CNTNAP2: variants seen among roughly 807,000 people sequenced by gnomAD.
The protein encoded by CNTNAP2 is contactin associated protein 2.
CNTNAP2 carries 98 observed loss-of-function variants against 155.2 expected under a neutral mutation model. That is an observed-to-expected ratio of 0.63 (90% CI 0.54 to 0.75). The LOEUF (loss-of-function observed/expected upper bound fraction) is 0.75, where lower values mean the gene tolerates loss of function less well. Ranked by LOEUF, CNTNAP2 falls within the 30% of genes least tolerant of loss-of-function variation. CNTNAP2 has a pLI of 0.00. For missense variants in CNTNAP2, 1,727 were observed against 1,688.1 expected (o/e 1.02, Z -0.40); for synonymous variants, 651 against 631.2 (o/e 1.03, Z -0.47).
intron 5 of CNTNAP2, among the ~76,000 whole-genome samples, chr7:147,119,781 AAAGG>A (rs575072173): frequency 2.4e-3 from 360 of 152,046 alleles, no homozygotes; most frequent in African/African-American, 6.4e-3. Context: ...AGAAAGAAGG[AAAGG>A]AAGGAAGGAA....
At chr7:147,856,654 A>G (rs1045129402) in intron 13 of CNTNAP2, among the ~76,000 whole-genome samples, 3 of 151,778 alleles carry the variant, frequency 2.0e-5, no homozygotes, top group Non-Finnish European at 4.4e-5. Flanking sequence ...TGCTCTAGAA[A>G]CATTTTGTTC....
chr7:146,133,900 C>T lies in CNTNAP2; in HGVS notation c.97+16927C>T, dbSNP rs1303791004. On this transcript the variant is annotated intron_variant, in intron 1 of 23. Coordinates refer to ENST00000361727, the MANE Select transcript of CNTNAP2 (RefSeq NM_014141.6). ...TAGGATTGACTTGGCGATGCGGGCT[C>T]TTTTTTGGTTCCATATGAACTTTAA... 2.0e-5 allele frequency among the ~76,000 whole-genome samples: 3 copies of T among 151,916 alleles called. No individual in the cohort carries two copies. In the East Asian group the frequency reaches 5.8e-4, roughly 30 times the overall value.
At chr7:146,465,015 C>A (rs888526882) in intron 1 of CNTNAP2, among the ~76,000 whole-genome samples, 1 of 151,976 alleles carries the variant, frequency 6.6e-6, no homozygotes, top group Non-Finnish European at 1.5e-5. Flanking sequence ...CTTTAATTGG[C>A]CTGCTTTTGT....
intron 1 of CNTNAP2, among the ~76,000 whole-genome samples, chr7:146,211,250 T>C (rs1799030156): frequency 6.6e-6 from 1 of 152,134 alleles, no homozygotes; most frequent in South Asian, 2.1e-4. Flanking sequence ...TTCAGACATC[T>C]GAAAAAAATA....
chr7:147,655,651 A>G (rs2116946243), intron 13 of CNTNAP2, among the ~76,000 whole-genome samples: 1 of 152,324 alleles, frequency 6.6e-6, no homozygotes, highest in African/African-American at 2.4e-5. Flanking sequence ...TAAACCTGTT[A>G]AAGTTGTAAA....
chr7:146,931,781 A>C (rs1796763863), intron 3 of CNTNAP2, among the ~76,000 whole-genome samples: 1 of 150,874 alleles, frequency 6.6e-6, no homozygotes, highest in Non-Finnish European at 1.5e-5. Context: ...CAGAAATACA[A>C]ACTACCATCA....
chr7:147,213,653 A>C (rs769755904), intron 8 of CNTNAP2, among the ~76,000 whole-genome samples: 5 of 152,184 alleles, frequency 3.3e-5, no homozygotes, highest in Non-Finnish European at 7.3e-5. Flanking sequence ...AGATATTTTA[A>C]AGAGATTTAT....
chr7:146,203,330 C>T (rs146709507), intron 1 of CNTNAP2, among the ~76,000 whole-genome samples: 1 of 152,218 alleles, frequency 6.6e-6, no homozygotes, highest in African/African-American at 2.4e-5. Context: ...AGCTACAAAT[C>T]ATTCCTACAA....
At chr7:147,723,303 G>A (rs1187509821) in intron 13 of CNTNAP2, among the ~76,000 whole-genome samples, 3 of 152,086 alleles carry the variant, frequency 2.0e-5, no homozygotes, top group Non-Finnish European at 4.4e-5. Context: ...AAAATGGCAT[G>A]TGTAGTAGGA....
intron 1 of CNTNAP2, among the ~76,000 whole-genome samples, chr7:146,371,892 G>A (rs1024881640): frequency 6.6e-6 from 1 of 151,358 alleles, no homozygotes; most frequent in Non-Finnish European, 1.5e-5. Flanking sequence ...CTGGGATGGG[G>A]AGGTTGCAGT....
At chr7:147,429,292 G>A (rs1349731868) in intron 10 of CNTNAP2, among the ~76,000 whole-genome samples, 1 of 151,754 alleles carries the variant, frequency 6.6e-6, no homozygotes, top group African/African-American at 2.4e-5. Context: ...GGAGTAAGGT[G>A]GTATATTATT....
intron 13 of CNTNAP2, among the ~76,000 whole-genome samples, chr7:147,869,230 A>T (rs1274899260): frequency 6.6e-6 from 1 of 152,264 alleles, no homozygotes; most frequent in Non-Finnish European, 1.5e-5. Context: ...TGTGTATATG[A>T]CACAGTGCAT....
At chr7:148,410,270 T>TA (rs11427367) in intron 23 of CNTNAP2, among the ~76,000 whole-genome samples, 43,202 of 150,982 alleles carry the variant, frequency 0.29, 7,001 homozygotes, top group African/African-American at 0.43. Context: ...TAGCGTACTA[T>TA]AAAAAAATGA....
At chr7:147,136,568 AG>A (rs1159861484) in intron 8 of CNTNAP2, among the ~76,000 whole-genome samples, 1 of 151,896 alleles carries the variant, frequency 6.6e-6, no homozygotes, top group Non-Finnish European at 1.5e-5. Context: ...TGTGGCTGGG[AG>A]CATGCTGGGA....
chr7:147,833,903 T>C (rs889575977), intron 13 of CNTNAP2, among the ~76,000 whole-genome samples: 1 of 152,030 alleles, frequency 6.6e-6, no homozygotes, highest in African/African-American at 2.4e-5. Flanking sequence ...GTACCCCAGC[T>C]GGGGAGCGAG....
chr7:147,261,464 A>G (rs1434557551), intron 8 of CNTNAP2, among the ~76,000 whole-genome samples: 1 of 151,998 alleles, frequency 6.6e-6, no homozygotes, highest in East Asian at 1.9e-4. Flanking sequence ...ATACAATTCT[A>G]TGTTGTTCAG....
intron 1 of CNTNAP2, among the ~76,000 whole-genome samples, chr7:146,534,787 C>A (rs1464818168): frequency 6.6e-6 from 1 of 151,604 alleles, no homozygotes; most frequent in Non-Finnish European, 1.5e-5. Context: ...CTGTCTATTG[C>A]ATGCTTTACA....
rs1277042802 is a variant in CNTNAP2 at position 147,561,872 on chromosome 7, A to G, written c.1778-266A>G. On this transcript the variant is annotated intron_variant, in intron 11 of 23. Transcript: ENST00000361727. ...AATGATCATGAGCCCCAGTAAAATA[A>G]AAATTACATTTATTTAAGGATTGAT... 2.6e-5 allele frequency among the ~76,000 whole-genome samples: 4 copies of G among 152,232 alleles called. No individual in the cohort carries two copies. In the South Asian group the frequency reaches 6.2e-4, roughly 24 times the overall value.
At chr7:148,129,588 C>T (rs997704421) in intron 16 of CNTNAP2, among the ~76,000 whole-genome samples, 1 of 152,158 alleles carries the variant, frequency 6.6e-6, no homozygotes, top group Non-Finnish European at 1.5e-5. Context: ...AAGAGAAAAA[C>T]TCTGCTCTGA....
Sources: allele counts gnomAD v4.1 joint callset (sites outside exome capture counted in the v4.1 genomes callset), GRCh38; gene constraint gnomAD v4.1.1; transcripts MANE v1.5; gene names NCBI Gene and HGNC (gene_info 2026-07-23, HGNC 2026-07-21).